TRIM2: variants seen among roughly 807,000 people sequenced by gnomAD.
The protein encoded by TRIM2 is tripartite motif containing 2.
TRIM2 carries 20 observed loss-of-function variants against 75.2 expected under a neutral mutation model. The observed-to-expected ratio is 0.27, with a 90% CI of 0.19 to 0.39. The LOEUF (loss-of-function observed/expected upper bound fraction) is 0.39, where lower values mean the gene tolerates loss of function less well. Ranked by LOEUF, TRIM2 falls within the 10% of genes least tolerant of loss-of-function variation. The pLI is 1.00. For synonymous variants in TRIM2, 373 were observed against 388.3 expected, an observed-to-expected ratio of 0.96 and a Z score of 0.46; for missense variants, 660 against 990.8, an observed-to-expected ratio of 0.67 and a Z score of 4.48.
intron 1 of TRIM2, among the ~76,000 whole-genome samples, chr4:153,250,705 G>T (rs191054664): frequency 2.7e-4 from 41 of 152,308 alleles, no homozygotes; most frequent in African/African-American, 9.6e-4. Flanking sequence ...CTCTGTGCTG[G>T]GCAGATCCCA....
At chr4:153,261,763 G>A (rs1191195315) in intron 1 of TRIM2, among the ~76,000 whole-genome samples, 1 of 152,208 alleles carries the variant, frequency 6.6e-6, no homozygotes, top group African/African-American at 2.4e-5. Flanking sequence ...GCAATAAAGA[G>A]TGTGGATAGT....
chr4:153,152,273 G>C (rs371515431), upstream of TRIM2: 1 of 152,040 alleles, frequency 6.6e-6, no homozygotes, highest in Non-Finnish European at 1.5e-5. Flanking sequence ...ACCACCCCCC[G>C]CAGAGGCAGG....
chr4:153,271,680 G>A (rs1286672138), intron 2 of TRIM2, among the ~76,000 whole-genome samples: 1 of 152,044 alleles, frequency 6.6e-6, no homozygotes, highest in Non-Finnish European at 1.5e-5. Flanking sequence ...TAAGTGCTTG[G>A]TAATTCATAT....
chr4:153,224,525 C>T (rs1741602873), intron 1 of TRIM2, among the ~76,000 whole-genome samples: 1 of 152,154 alleles, frequency 6.6e-6, no homozygotes, highest in Non-Finnish European at 1.5e-5. Context: ...TCTGTATAAT[C>T]CCATTTAGCT....
intron 1 of TRIM2, among the ~76,000 whole-genome samples, chr4:153,237,030 G>A (rs1315034643): frequency 6.6e-6 from 1 of 152,158 alleles, no homozygotes; most frequent in African/African-American, 2.4e-5. Flanking sequence ...TAAACTTACA[G>A]TATCAAGGAC....
intron 1 of TRIM2, among the ~76,000 whole-genome samples, chr4:153,155,727 A>C (rs1196887015): frequency 6.6e-6 from 1 of 152,118 alleles, no homozygotes; most frequent in Non-Finnish European, 1.5e-5. Flanking sequence ...TCACCTGGGG[A>C]CTTAAAAACT....
At chr4:153,244,090 G>C (rs1747452625) in intron 1 of TRIM2, among the ~76,000 whole-genome samples, 1 of 151,826 alleles carries the variant, frequency 6.6e-6, no homozygotes. Context: ...AAAGTGCTGG[G>C]ATTACACACA....
chr4:153,244,100 A>G lies in TRIM2; in HGVS notation c.31-26235A>G, dbSNP rs1055236669. 5.3e-5 allele frequency among the ~76,000 whole-genome samples: 8 copies of G among 151,292 alleles called. 1 individual carries two copies. Among genetic ancestry groups the G allele is most frequent in the African/African-American group, 2.0e-4 (8 of 40,906 alleles). ...CTCCCAAAGTGCTGGGATTACACAC[A>G]TGAGCTACTGTGCCACTGCCATCTT... On this transcript the variant is annotated intron_variant, in intron 1 of 11. Transcript: ENST00000338700.
chr4:153,299,793 T>C (rs1452239458), intron 6 of TRIM2, among the ~76,000 whole-genome samples: 1 of 152,286 alleles, frequency 6.6e-6, no homozygotes, highest in African/African-American at 2.4e-5. Context: ...TTCCTAACCA[T>C]CCTTCCCACA....
At chr4:153,162,717 C>A (rs1335731825) in intron 1 of TRIM2, among the ~76,000 whole-genome samples, 1 of 152,196 alleles carries the variant, frequency 6.6e-6, no homozygotes, top group Non-Finnish European at 1.5e-5. Context: ...TGTGGCAGAG[C>A]AAGTGGACTT....
intron 1 of TRIM2, among the ~76,000 whole-genome samples, chr4:153,260,684 ACACCCACCCCCCCCCC>A (rs1753200207): frequency 3.0e-5 from 1 of 33,838 alleles, no homozygotes; most frequent in Non-Finnish European, 6.2e-5. Context: ...ACCCACCCAC[ACACCCACCCCCCCCCC>A]CACACACACA....
At chr4:153,171,106 C>T (rs1730806212) in intron 1 of TRIM2, among the ~76,000 whole-genome samples, 1 of 152,144 alleles carries the variant, frequency 6.6e-6, no homozygotes, top group Non-Finnish European at 1.5e-5. Context: ...ACAGCAGGTC[C>T]CAAGAGTTCG....
chr4:153,277,480 C>A (rs1029384724), intron 3 of TRIM2, among the ~76,000 whole-genome samples: 4 of 152,178 alleles, frequency 2.6e-5, no homozygotes, highest in Non-Finnish European at 5.9e-5. Flanking sequence ...TCTGGGAGGG[C>A]AAGGACCTGT....
Position 153,257,627 on chromosome 4 carries a change from C to G in TRIM2, c.31-12708C>G, listed in dbSNP as rs1276614794. ...TGCATGGTAGGGAATTTTAACCAGT[C>G]TCTTTGCATGGTGCTTCCCAACTTG... is the stretch of plus-strand genomic sequence containing the variant. On this transcript the variant is annotated intron_variant, in intron 1 of 11. Coordinates refer to ENST00000338700, the MANE Select transcript of TRIM2 (RefSeq NM_015271.5). 6 of 1,274,054 alleles carry G rather than the reference C, an allele frequency of 4.7e-6. No homozygotes were observed. In the South Asian group the frequency reaches 6.2e-5, roughly 13 times the overall value. 78.9% of individuals were successfully genotyped at this position (1,274,054 alleles called of 1,614,324 possible). A position where few individuals can be genotyped will look rare whatever the true frequency, so the allele number is the denominator to read the frequency against.
Position 153,335,142 on chromosome 4 carries a change from A to G in TRIM2, c.*176A>G. On this transcript the variant is annotated 3_prime_UTR_variant, in exon 12 of 12. Transcript: ENST00000338700. ...TAAAAATGACTTATCCAATTTCTGT[A>G]TTTCACCTTTAGGGTTAAAAAAAAC... 1 of 1,283,660 alleles carries G rather than the reference A, an allele frequency of 7.8e-7. No individual in the cohort carries two copies. The highest frequency in any genetic ancestry group is 9.9e-7 in the Non-Finnish European group (1 of 1,013,264). The allele number at this position is 1,283,660 out of a possible 1,614,324, so 79.5% of individuals were successfully genotyped here. A position where few individuals can be genotyped will look rare whatever the true frequency, so the allele number is the denominator to read the frequency against.
intron 6 of TRIM2, among the ~76,000 whole-genome samples, chr4:153,297,323 G>A (rs144849319): frequency 6.6e-6 from 1 of 152,200 alleles, no homozygotes; most frequent in Admixed American, 6.5e-5. Context: ...AGCTTGGGTG[G>A]ATGCAGGACT....
intron 1 of TRIM2, among the ~76,000 whole-genome samples, chr4:153,172,126 C>T (rs1180409770): frequency 8.0e-6 from 1 of 125,410 alleles, no homozygotes; most frequent in East Asian, 2.2e-4. Flanking sequence ...TTTCACCTCC[C>T]CTTTTATGAT....
At chr4:153,273,160 A>C (rs1163080995) in intron 2 of TRIM2, among the ~76,000 whole-genome samples, 2 of 151,938 alleles carry the variant, frequency 1.3e-5, no homozygotes, top group Non-Finnish European at 2.9e-5. Context: ...TTATGCAGAG[A>C]CAAAACTTTA....
At chr4:153,293,161 C>G (rs1274414717) in intron 4 of TRIM2, 28 bp downstream of exon 4, 1 of 1,585,846 alleles carries the variant, frequency 6.3e-7, no homozygotes, top group Admixed American at 1.7e-5. Context: ...AAACCCCCAA[C>G]TGGCTGCCTG....
Sources: gnomAD v4.1 joint callset for allele counts (sites outside exome capture counted in the v4.1 genomes callset) on GRCh38, gnomAD v4.1.1 for gene constraint, MANE v1.5 for transcripts, NCBI Gene and HGNC (gene_info 2026-07-23, HGNC 2026-07-21) for gene names.